Variants in DAB2IP observed in about 807,000 individuals in gnomAD.
DAB2IP encodes DAB2 interacting protein, also known as disabled homolog 2-interacting protein.
In DAB2IP, 28 loss-of-function variants were observed where a neutral mutation model predicts 107.2. The observed-to-expected ratio is 0.26, with a 90% CI of 0.19 to 0.36. The LOEUF is 0.36. DAB2IP is among the 10% of genes least tolerant of loss of function. DAB2IP has a pLI of 1.00. For missense variants in DAB2IP, 1,400 were observed against 1,644.7 expected, an observed-to-expected ratio of 0.85 and a Z score of 2.57; for synonymous variants, 755 against 706.4, an observed-to-expected ratio of 1.07 and a Z score of -1.09.
chr9:121,599,477 C>T lies in DAB2IP; in HGVS notation c.40+32249C>T, dbSNP rs1002569874. Among the ~76,000 whole-genome samples, 1 of 151,914 alleles carries T rather than the reference C, an allele frequency of 6.6e-6. No homozygotes were observed. The highest frequency in any genetic ancestry group is 1.5e-5 in the Non-Finnish European group (1 of 67,936). On this transcript the variant is annotated intron_variant, in intron 1 of 16. Coordinates refer to the DAB2IP transcript ENST00000259371. The surrounding 1 kb of genome is among the most constrained non-coding windows in gnomAD (Gnocchi z 6.9). ...CGGGCCTGGCGGGCGGAGCTGTGGG[C>T]GGCTGGGCCTGCGATTGGCAGGGCT...
intron 1 of DAB2IP, among the ~76,000 whole-genome samples, chr9:121,655,952 C>T (rs1832951944): frequency 2.0e-5 from 3 of 151,804 alleles, no homozygotes; most frequent in Admixed American, 2.0e-4. Context: ...ACCAAGAGAA[C>T]AGTTAGGTAA....
At chr9:121,602,528 C>T (rs1023364121) in intron 1 of DAB2IP, among the ~76,000 whole-genome samples, 6 of 152,116 alleles carry the variant, frequency 3.9e-5, no homozygotes, top group South Asian at 2.1e-4. Context: ...TTAGTAACTG[C>T]GACTACAGGC....
At chr9:121,785,178 C>G (rs1339787904) in exon 16 of DAB2IP, 1 of 152,658 alleles carries the variant, frequency 6.6e-6, no homozygotes, top group Admixed American at 6.5e-5. Context: ...ACCGAGGCTA[C>G]AGCTCCACAC....
chr9:121,759,809 C>G (rs1833757973), intron 5 of DAB2IP, 76 bp from the exon 6 acceptor site: 2 of 1,379,310 alleles, frequency 1.5e-6, no homozygotes, highest in South Asian at 1.4e-5. Flanking sequence ...TCTGAGGACT[C>G]TCTCAGGCTC....
chr9:121,727,869 C>A (rs1831317914), intron 3 of DAB2IP, among the ~76,000 whole-genome samples: 1 of 152,208 alleles, frequency 6.6e-6, no homozygotes, highest in African/African-American at 2.4e-5. Flanking sequence ...ACCTCCATCT[C>A]CTTCTCCCAC....
At position 121,699,577 on chromosome 9, in the gene DAB2IP, A is replaced by C; in HGVS notation, c.362+119A>C. On this transcript the variant is annotated intron_variant, in intron 3 of 15. Coordinates refer to ENST00000408936, the Ensembl canonical transcript of DAB2IP. The surrounding 1 kb of genome is among the most constrained non-coding windows in gnomAD (Gnocchi z 6.2). ...AGCCACACGGCGGTGGGGGGACCCC[A>C]CGCCGCCCGCCGGGAACTTATGGGG... 1 of 923,800 alleles carries C rather than the reference A, an allele frequency of 1.1e-6. No homozygotes were observed. 57.2% of individuals were successfully genotyped at this position (923,800 alleles called of 1,614,324 possible).
intron 1 of DAB2IP, among the ~76,000 whole-genome samples, chr9:121,659,548 G>T (rs975357069): frequency 6.6e-6 from 1 of 152,094 alleles, no homozygotes; most frequent in Non-Finnish European, 1.5e-5. Context: ...GAAAGAAAAC[G>T]TTTGGGAGGC....
At chr9:121,732,309 C>T (rs1304729267) in intron 3 of DAB2IP, among the ~76,000 whole-genome samples, 1 of 152,158 alleles carries the variant, frequency 6.6e-6, no homozygotes, top group East Asian at 1.9e-4. Flanking sequence ...TTTACTCCCA[C>T]TAAATGTTTT....
intron 1 of DAB2IP, among the ~76,000 whole-genome samples, chr9:121,567,694 G>T (rs1383818288): frequency 6.6e-6 from 1 of 152,152 alleles, no homozygotes; most frequent in Non-Finnish European, 1.5e-5. Flanking sequence ...CGTGTGACAG[G>T]GCCCCAGTGG....
At chr9:121,754,832 C>T (rs1198721035) in intron 3 of DAB2IP, among the ~76,000 whole-genome samples, 2 of 152,198 alleles carry the variant, frequency 1.3e-5, no homozygotes, top group African/African-American at 2.4e-5. Flanking sequence ...CTCCTCTCCA[C>T]AGCCAGCTCA....
chr9:121,632,660 G>A (rs941276775), intron 1 of DAB2IP, among the ~76,000 whole-genome samples: 4 of 152,126 alleles, frequency 2.6e-5, no homozygotes, highest in East Asian at 3.9e-4. Context: ...ACCTGGTGCC[G>A]TCTAACCCCG....
At chr9:121,610,570 C>T (rs1455028544) in intron 1 of DAB2IP, among the ~76,000 whole-genome samples, 1 of 152,176 alleles carries the variant, frequency 6.6e-6, no homozygotes, top group South Asian at 2.1e-4. Context: ...GCCCTGCCCT[C>T]TAGCTGCAGG....
chr9:121,595,274 C>G (rs1323353238), intron 1 of DAB2IP, among the ~76,000 whole-genome samples: 2 of 151,322 alleles, frequency 1.3e-5, no homozygotes, highest in Admixed American at 6.6e-5. Context: ...AAAACAAACA[C>G]TGTGTGTCTC....
chr9:121,663,979 T>C (rs779015996), intron 1 of DAB2IP, among the ~76,000 whole-genome samples: 4 of 152,348 alleles, frequency 2.6e-5, no homozygotes, highest in South Asian at 4.1e-4. Flanking sequence ...CGATTAAAGG[T>C]GGAGCTGATG....
chr9:121,717,007 C>T (rs756929138), intron 3 of DAB2IP, among the ~76,000 whole-genome samples: 6 of 152,190 alleles, frequency 3.9e-5, no homozygotes, highest in Non-Finnish European at 7.3e-5. Flanking sequence ...AAGTCTCATA[C>T]GGAGCTGGGC....
intron 1 of DAB2IP, among the ~76,000 whole-genome samples, chr9:121,657,950 T>C (rs1010044144): frequency 6.6e-6 from 1 of 152,172 alleles, no homozygotes; most frequent in African/African-American, 2.4e-5. Context: ...TGCCCGTGGT[T>C]ACCTAAAGAT....
At chr9:121,673,273 T>C (rs1833755187) in intron 1 of DAB2IP, among the ~76,000 whole-genome samples, 1 of 152,034 alleles carries the variant, frequency 6.6e-6, no homozygotes, top group Non-Finnish European at 1.5e-5. Context: ...GGGCTGGAAG[T>C]GTGGGTTTGG....
At position 121,773,517 on chromosome 9, in the gene DAB2IP, G is replaced by A. The variant is rs1338529777; in HGVS notation, c.2967+22G>A. On this transcript the variant is annotated intron_variant, in intron 12 of 15. Coordinates refer to ENST00000408936, the Ensembl canonical transcript of DAB2IP. ...GCAGGTCAGTGCTGCTAGTCAGAGG[G>A]CAGGGCTGGGCACTTGGGCCCAGCT... The A allele has an allele frequency of 3.4e-6, 5 of 1,460,816 alleles. No individual in the cohort carries two copies. The African/African-American group carries it at 4.3e-5, about 13-fold the overall frequency. 90.5% of individuals were successfully genotyped at this position (1,460,816 alleles called of 1,614,324 possible).
In DAB2IP at chr9:121,659,499, G is replaced by A. The variant is rs141848459; in HGVS notation, c.124+7600G>A. On this transcript the variant is annotated intron_variant, in intron 1 of 15. Transcript: ENST00000408936. ...TGTCATTATTAGCTGTTCACCCAAAGTCTGAGGGGTTGCTTGCAAATCAGT... is the reference window on the plus strand; with the variant it reads ...TGTCATTATTAGCTGTTCACCCAAAATCTGAGGGGTTGCTTGCAAATCAGT... 4.1e-4 allele frequency among the ~76,000 whole-genome samples: 63 copies of A among 152,318 alleles called. 1 individual carries two copies. The highest frequency in any genetic ancestry group is 1.5e-3 in the African/African-American group (61 of 41,570).
Sources: gnomAD v4.1 joint callset for allele counts (sites outside exome capture counted in the v4.1 genomes callset) on GRCh38, gnomAD v4.1.1 for gene constraint, Gnocchi (gnomAD v3.1) non-coding constraint, MANE v1.5 for transcripts, NCBI Gene and HGNC (gene_info 2026-07-23, HGNC 2026-07-21) for gene names.